The following MAGEB16 variants were observed in gnomAD, a reference collection of about 807,000 sequenced individuals.
MAGEB16 encodes the protein melanoma-associated antigen B16.
For missense variants in MAGEB16, 217 were observed against 234.0 expected, an observed-to-expected ratio of 0.93 and a Z score of 0.47; for synonymous variants, 95 against 92.1, an observed-to-expected ratio of 1.03 and a Z score of -0.18.
intron 1 of MAGEB16, chrX:35,800,424 G>A (rs745984312): frequency 5.9e-6 from 3 of 508,465 alleles, no homozygotes; most frequent in Non-Finnish European, 1.1e-5. Context: ...GGTACCGAGA[G>A]GTTAGGTGAA....
exon 2 of MAGEB16, chrX:35,803,217 A>G (rs780577349): frequency 3.4e-5 from 37 of 1,085,576 alleles, no homozygotes; most frequent in African/African-American, 5.6e-5. Flanking sequence ...TTCCAGTGCT[A>G]TGTCTGGTAG....
exon 2 of MAGEB16, chrX:35,802,309 T>C (rs1934869596): frequency 8.3e-7 from 1 of 1,207,970 alleles, no homozygotes; most frequent in African/African-American, 1.8e-5. Flanking sequence ...GAGAAGACCC[T>C]CCTCTCCTCC....
At chrX:35,803,349 A>G (rs907765964) in exon 2 of MAGEB16, 13 of 381,109 alleles carry the variant, frequency 3.4e-5, no homozygotes, top group African/African-American at 2.5e-4. Flanking sequence ...TATCATCTAT[A>G]TCCCTATTTT....
exon 2 of MAGEB16, chrX:35,803,401 C>A (rs1335393034): frequency 9.6e-6 from 3 of 312,569 alleles, no homozygotes; most frequent in Non-Finnish European, 1.7e-5. Flanking sequence ...TTTTTAATGG[C>A]TATATTATTC....
intron 1 of MAGEB16, among the ~76,000 whole-genome samples, chrX:35,799,934 G>A (rs779861828): frequency 5.4e-5 from 6 of 111,337 alleles, no homozygotes; most frequent in Non-Finnish European, 9.4e-5. Flanking sequence ...GCCTTGGTTT[G>A]AGGGAGCTAA....
At chrX:35,802,159 G>C in exon 2 of MAGEB16, 2 of 1,208,023 alleles carry the variant, frequency 1.7e-6, no homozygotes, top group Non-Finnish European at 2.2e-6. Flanking sequence ...CTGCCCTCCT[G>C]TCCACACTCC....
At chrX:35,800,531 A>G (rs1394114711) in intron 1 of MAGEB16, 2 of 525,436 alleles carry the variant, frequency 3.8e-6, no homozygotes, top group African/African-American at 2.3e-5. Flanking sequence ...GGCATTAGCT[A>G]TCAGAAGATG....
chrX:35,803,093 G>A (rs1934881740), exon 2 of MAGEB16: 6 of 1,209,930 alleles, frequency 5.0e-6, no homozygotes, highest in Non-Finnish European at 6.7e-6. Flanking sequence ...AAGTTCATGG[G>A]TCTTACCCAC....
chrX:35,802,054 A>G, intron 1 of MAGEB16, 77 bp from the exon 2 acceptor site: 1 of 670,808 alleles, frequency 1.5e-6, no homozygotes, highest in Non-Finnish European at 2.3e-6. Flanking sequence ...AGAAGTCTAT[A>G]GGCAGTGGCT....
chrX:35,799,037 AT>A (rs77411234), intron 1 of MAGEB16, among the ~76,000 whole-genome samples: 8,174 of 92,368 alleles, frequency 0.088, 925 homozygotes, highest in African/African-American at 0.29. Flanking sequence ...TGCGCGGCTA[AT>A]TTTTTTTTTT....
intron 1 of MAGEB16, 93 bp from the exon 2 acceptor site, chrX:35,802,038 G>T: frequency 1.8e-6 from 1 of 568,223 alleles, no homozygotes; most frequent in East Asian, 3.6e-5. Flanking sequence ...TAACACTGCT[G>T]TCAGGAGAAG....
chrX:35,801,973 T>C (rs1157664114), intron 1 of MAGEB16, among the ~76,000 whole-genome samples, 158 bp from the exon 2 acceptor site: 1 of 112,306 alleles, frequency 8.9e-6, no homozygotes, highest in African/African-American at 3.2e-5. Flanking sequence ...TCTCACTTCA[T>C]CCTTCAGGTT....
Position 35,799,608 on chromosome X carries a change from G to A in MAGEB16, c.-67+1190G>A, listed in dbSNP as rs750879813. Among the ~76,000 whole-genome samples, 3 of 111,463 alleles carry A rather than the reference G, an allele frequency of 2.7e-5. No homozygotes were observed. The South Asian group carries it at 1.1e-3, about 43-fold the overall frequency. On this transcript the variant is annotated intron_variant, in intron 1 of 1. Transcript: ENST00000399988. Reference sequence around the variant, plus strand: ...CAGGTTTCATTGAGTTCTGTCAGAAGGGAAAATACACTGCATAAAACTGTA... The same window carrying A: ...CAGGTTTCATTGAGTTCTGTCAGAAAGGAAAATACACTGCATAAAACTGTA...
chrX:35,802,979 G>A (rs1204721716), exon 2 of MAGEB16: 1 of 1,211,805 alleles, frequency 8.3e-7, no homozygotes. Context: ...AGTACCTGGA[G>A]TACCAGCAGG....
chrX:35,803,122 A>G, exon 2 of MAGEB16: 2 of 1,201,611 alleles, frequency 1.7e-6, no homozygotes, highest in Non-Finnish European at 2.2e-6. Flanking sequence ...CCATCTCAGT[A>G]TGCGGAAGCT....
Position 35,803,243 on chromosome X carries a change from G to A in MAGEB16, c.*72G>A, listed in dbSNP as rs1049242598. The A allele has an allele frequency of 7.0e-6, 7 of 1,005,801 alleles. No homozygotes were observed. The African/African-American group carries it at 1.2e-4, about 17-fold the overall frequency. The allele number at this position is 1,005,801 out of a possible 1,213,427, so 82.9% of individuals were successfully genotyped here. On this transcript the variant is annotated 3_prime_UTR_variant, in exon 2 of 2. Transcript: ENST00000399988. Reference sequence around the variant, plus strand: ...TGTCTGGTAGCTTCTCCCATACCTAGTGAAGACAAGGATAGATGTTTTATG... The same window carrying A: ...TGTCTGGTAGCTTCTCCCATACCTAATGAAGACAAGGATAGATGTTTTATG...
intron 1 of MAGEB16, among the ~76,000 whole-genome samples, chrX:35,799,156 A>G (rs1934841432): frequency 2.8e-5 from 3 of 108,373 alleles, no homozygotes; most frequent in African/African-American, 6.8e-5. Context: ...TGCTGGGATT[A>G]CAGGCATGAG....
intron 1 of MAGEB16, 113 bp from the exon 2 acceptor site, chrX:35,802,018 T>G (rs780169286): frequency 4.1e-6 from 2 of 493,090 alleles, no homozygotes; most frequent in African/African-American, 4.8e-5. Flanking sequence ...ATCAGATCTG[T>G]GAGGCTCTAT....
At chrX:35,800,802 G>A (rs182547613) in intron 1 of MAGEB16, among the ~76,000 whole-genome samples, 4 of 111,649 alleles carry the variant, frequency 3.6e-5, no homozygotes, top group Admixed American at 9.5e-5. Context: ...AAGTGAGGCC[G>A]ATGGGAACAC....
Sources: gnomAD v4.1 joint callset for allele counts (sites outside exome capture counted in the v4.1 genomes callset) on GRCh38, gnomAD v4.1.1 for gene constraint, MANE v1.5 for transcripts, NCBI Gene and HGNC (gene_info 2026-07-23, HGNC 2026-07-21) for gene names.